EBF4: variants seen among roughly 807,000 people sequenced by gnomAD.
EBF4 encodes EBF transcription factor 4, also known as transcription factor COE4.
Under a neutral mutation model 67.1 loss-of-function variants are expected in EBF4, and 34 were observed. That is an observed-to-expected ratio of 0.51 (90% CI 0.39 to 0.67). The LOEUF is 0.67. Ranked by LOEUF, EBF4 falls within the 30% of genes least tolerant of loss-of-function variation. EBF4 has a pLI of 0.00. For synonymous variants in EBF4, 387 were observed against 377.7 expected, an observed-to-expected ratio of 1.02 and a Z score of -0.29; for missense variants, 837 against 873.3, an observed-to-expected ratio of 0.96 and a Z score of 0.52.
chr20:2,718,055 C>T (rs1339856281), intron 6 of EBF4, among the ~76,000 whole-genome samples: 1 of 152,198 alleles, frequency 6.6e-6, no homozygotes, highest in African/African-American at 2.4e-5. Flanking sequence ...GTGATCCACC[C>T]ACCTCAGCCT....
At chr20:2,716,592 T>C (rs1360603113) in intron 6 of EBF4, among the ~76,000 whole-genome samples, 1 of 152,256 alleles carries the variant, frequency 6.6e-6, no homozygotes, top group Non-Finnish European at 1.5e-5. Flanking sequence ...CTATATTTTC[T>C]TCCAAAGGTT....
intron 6 of EBF4, among the ~76,000 whole-genome samples, chr20:2,740,119 C>T (rs1487623968): frequency 1.3e-5 from 2 of 152,208 alleles, no homozygotes; most frequent in African/African-American, 4.8e-5. Context: ...TCATGACCAG[C>T]CTGACCAATA....
intron 15 of EBF4, among the ~76,000 whole-genome samples, chr20:2,757,135 A>G (rs1055622737): frequency 2.6e-5 from 4 of 152,156 alleles, no homozygotes; most frequent in Admixed American, 6.5e-5. Flanking sequence ...AGGCTGAGAC[A>G]GGGGAGGGGG....
chr20:2,722,133 C>G (rs766838139), intron 6 of EBF4, among the ~76,000 whole-genome samples: 1 of 152,066 alleles, frequency 6.6e-6, no homozygotes, highest in Non-Finnish European at 1.5e-5. Context: ...ATCCTGGGCT[C>G]GAGCAGTCCT....
chr20:2,724,683 T>C (rs1175868105), intron 6 of EBF4, among the ~76,000 whole-genome samples: 2 of 152,176 alleles, frequency 1.3e-5, no homozygotes, highest in African/African-American at 4.8e-5. Context: ...GGTACAAGAA[T>C]CACCTGAGCC....
chr20:2,741,901 A>C (rs912511598), intron 6 of EBF4, among the ~76,000 whole-genome samples: 7 of 152,204 alleles, frequency 4.6e-5, no homozygotes, highest in Admixed American at 3.3e-4. Context: ...ATTGTTTTTT[A>C]ATACTGAAGA....
In EBF4 at chr20:2,751,959, C is replaced by G; in HGVS notation, c.1145C>G (p.Ala382Gly). The change falls in exon 12 of 17, where the codon GCC (alanine) becomes GGC (glycine). Residue 382 changes from alanine to glycine, a missense_variant. Coordinates refer to ENST00000609451, the Ensembl canonical transcript of EBF4. This position sits in a 1 kb window ranked among gnomAD's most constrained non-coding sequence, Gnocchi z 5.2. ...AAGCGGGCGGCCGACTTGGCAGAAG[C>G]CCTGTACGGAGTGCCCGGCAGTAAC... The G allele has an allele frequency of 2.6e-6, 4 of 1,548,968 alleles. No individual in the cohort carries two copies. Among genetic ancestry groups the G allele is most frequent in the Non-Finnish European group, 3.5e-6 (4 of 1,146,760 alleles).
chr20:2,712,440 G>A (rs1430787041), intron 6 of EBF4, among the ~76,000 whole-genome samples: 2 of 152,180 alleles, frequency 1.3e-5, no homozygotes, highest in African/African-American at 2.4e-5. Flanking sequence ...TGTCTCCAAG[G>A]TTTCTGACCT....
intron 15 of EBF4, 140 bp from the exon 16 acceptor site, chr20:2,758,769 A>G (rs2088281034): frequency 4.1e-6 from 3 of 734,156 alleles, no homozygotes; most frequent in African/African-American, 3.5e-5. Flanking sequence ...CAGTGCTGCC[A>G]TGGGCCAGGG....
At chr20:2,743,305 G>A (rs2087995338) in intron 6 of EBF4, among the ~76,000 whole-genome samples, 1 of 152,204 alleles carries the variant, frequency 6.6e-6, no homozygotes, top group Non-Finnish European at 1.5e-5. Flanking sequence ...GGCACCCGGA[G>A]GGTCGGCAGT....
intron 6 of EBF4, among the ~76,000 whole-genome samples, chr20:2,744,800 C>T (rs1007360294): frequency 2.6e-5 from 4 of 152,128 alleles, no homozygotes; most frequent in African/African-American, 9.7e-5. Flanking sequence ...CCTCAAGTCA[C>T]ATATGTAATG....
chr20:2,751,691 C>A lies in EBF4; in HGVS notation c.1019-9C>A. On this transcript the variant is annotated splice_polypyrimidine_tract_variant and intron_variant, in intron 10 of 16. Transcript: ENST00000609451. This position sits in a 1 kb window ranked among gnomAD's most constrained non-coding sequence, Gnocchi z 5.2. ...GGAGACGTCCTCCAAACGCCGCCCC[C>A]TTCCCCAGCTCTGAACGAGCCCACC... The A allele has an allele frequency of 6.4e-7, 1 of 1,550,686 alleles. No homozygotes were observed. The highest frequency in any genetic ancestry group is 1.2e-5 in the South Asian group (1 of 84,058).
intron 15 of EBF4, among the ~76,000 whole-genome samples, chr20:2,757,837 C>G (rs750141293): frequency 2.0e-4 from 30 of 152,112 alleles, no homozygotes; most frequent in Non-Finnish European, 2.2e-4. Context: ...GTCCCAGCTA[C>G]TCGGGAGGCT....
intron 6 of EBF4, among the ~76,000 whole-genome samples, chr20:2,748,124 A>G (rs1176885597): frequency 6.6e-6 from 1 of 152,160 alleles, no homozygotes; most frequent in Non-Finnish European, 1.5e-5. Context: ...GTGTGATAAC[A>G]TTACATGGGG....
intron 5 of EBF4, among the ~76,000 whole-genome samples, chr20:2,708,843 C>G (rs575004302): frequency 6.6e-6 from 1 of 152,216 alleles, no homozygotes; most frequent in African/African-American, 2.4e-5. Context: ...CTGCTGGCCA[C>G]GCAGCACTTC....
At chr20:2,709,469 G>A (rs1198063803) in intron 5 of EBF4, 105 bp from the exon 6 acceptor site, 42 of 1,074,930 alleles carry the variant, frequency 3.9e-5, no homozygotes, top group South Asian at 5.6e-5. Flanking sequence ...CCCAGAGACA[G>A]GACATCAGCA....
chr20:2,753,619 C>T (rs1238658841), intron 14 of EBF4, among the ~76,000 whole-genome samples: 1 of 152,238 alleles, frequency 6.6e-6, no homozygotes, highest in Non-Finnish European at 1.5e-5. Context: ...TGAAGGCTGT[C>T]CCAGAAGGAA....
chr20:2,757,435 CAAT>C (rs2088261572), intron 15 of EBF4, among the ~76,000 whole-genome samples: 1 of 127,422 alleles, frequency 7.8e-6, no homozygotes, highest in African/African-American at 2.9e-5. Context: ...GTGACTCAAA[CAAT>C]AACAGACTTT....
chr20:2,759,437 C>T (rs866045110), downstream of EBF4: 2 of 213,700 alleles, frequency 9.4e-6, no homozygotes, highest in Admixed American at 5.1e-5. Flanking sequence ...CGCTAGCAGC[C>T]CCACAGGCTT....
Sources: gnomAD v4.1 joint callset for allele counts (sites outside exome capture counted in the v4.1 genomes callset) on GRCh38, gnomAD v4.1.1 for gene constraint, Gnocchi (gnomAD v3.1) non-coding constraint, MANE v1.5 for transcripts, NCBI Gene and HGNC (gene_info 2026-07-23, HGNC 2026-07-21) for gene names.